The following TECTA variants were observed in gnomAD, a reference collection of about 807,000 sequenced individuals.
TECTA encodes tectorin alpha.
In TECTA, 128 loss-of-function variants were observed where a neutral mutation model predicts 216.8. That is an observed-to-expected ratio of 0.59 (90% confidence interval 0.51 to 0.68). The LOEUF is 0.68. Among genes scored for constraint, TECTA ranks in the 30% least tolerant of loss-of-function variants. The probability of loss-of-function intolerance (pLI) is 0.00; values close to 1 mark genes in which losing one functional copy is unlikely to be tolerated. For synonymous variants in TECTA, 1,089 were observed against 1,117.1 expected (o/e 0.97, Z 0.50); for missense variants, 2,551 against 2,786.2 (o/e 0.92, Z 1.90).
chr11:121,118,885 C>A (rs1946527907), intron 7 of TECTA, among the ~76,000 whole-genome samples, 167 bp downstream of exon 7: 1 of 152,124 alleles, frequency 6.6e-6, no homozygotes, highest in African/African-American at 2.4e-5. Context: ...TTTACTGGGC[C>A]AAATTTTATG....
intron 3 of TECTA, 152 bp downstream of exon 3, chr11:121,106,116 G>T: frequency 8.2e-7 from 1 of 1,217,902 alleles, no homozygotes; most frequent in Non-Finnish European, 1.2e-6. Context: ...TGAGCTGATA[G>T]GTTTTATGAA....
chr11:121,113,422 G>T lies in TECTA; in HGVS notation c.625-131G>T. On this transcript the variant is annotated intron_variant, in intron 5 of 23. Transcript: ENST00000392793. This position sits in a 1 kb window ranked among gnomAD's most constrained non-coding sequence, Gnocchi z 4.2. ...GCAGTCCTTTCTCACCTAGAATGCT[G>T]GCCCCAGTGACTCCAGGAAAAGACG... 1 of 1,448,596 alleles carries T rather than the reference G, an allele frequency of 6.9e-7. No homozygotes were observed. The highest frequency in any genetic ancestry group is 1.2e-5 in the South Asian group (1 of 86,458). 89.7% of individuals were successfully genotyped at this position (1,448,596 alleles called of 1,614,324 possible). A position where few individuals can be genotyped will look rare whatever the true frequency, so the allele number is the denominator to read the frequency against.
In TECTA at chr11:121,146,129, C is replaced by T. The variant is rs7130952; in HGVS notation, c.4105+13C>T. ...TACACGTCCTGCAGTGAGTCCTTCT[C>T]GTTGTCCCTCCTTGTAGCTTCTCCT... On this transcript the variant is annotated intron_variant, in intron 12 of 23. Transcript: ENST00000392793. The T allele has an allele frequency of 0.21, 331,160 of 1,602,936 alleles. 38,125 individuals carry two copies. The highest frequency in any genetic ancestry group is 0.43 in the African/African-American group (32,340 of 74,974).
At chr11:121,123,364 C>G (rs1302414542) in intron 7 of TECTA, among the ~76,000 whole-genome samples, 1 of 152,218 alleles carries the variant, frequency 6.6e-6, no homozygotes, top group Non-Finnish European at 1.5e-5. Context: ...CCTCATTTCT[C>G]ATGCCCCATT....
Position 121,118,445 on chromosome 11 carries a change from A to AT in TECTA, c.932dup (p.Phe312LeufsTer23). On this transcript the variant is annotated frameshift_variant, in exon 7 of 24. Transcript: ENST00000392793. LOFTEE classifies it high-confidence loss of function. ...ACGAGGTGTGCGAACCCAAAGGCAA[A>AT]TTCTTCTACTGCAGCGCTGTGGAGA... 6.2e-7 allele frequency: 1 copy of AT among 1,614,134 alleles called. No individual in the cohort carries two copies.
At chr11:121,134,325 C>CCACACACACACACACACACA (rs6144537) in intron 10 of TECTA, among the ~76,000 whole-genome samples, 9,358 of 146,834 alleles carry the variant, frequency 0.064, 347 homozygotes, top group Middle Eastern at 0.083. Flanking sequence ...AAAACCAACA[C>CCACACACACACACACACACA]CACACACACA....
intron 11 of TECTA, among the ~76,000 whole-genome samples, chr11:121,144,393 T>A (rs548250905): frequency 2.0e-5 from 3 of 152,124 alleles, no homozygotes; most frequent in South Asian, 4.2e-4. Context: ...TGAAAGGTGA[T>A]AAGAGTCTGA....
intron 20 of TECTA, among the ~76,000 whole-genome samples, chr11:121,185,527 GCTT>G (rs1947276599): frequency 9.8e-6 from 1 of 101,948 alleles, no homozygotes; most frequent in African/African-American, 4.9e-5. Context: ...GATGTTCAAT[GCTT>G]AATGAACGAG....
Position 121,118,083 on chromosome 11 carries a change from C to T in TECTA, c.791-223C>T, listed in dbSNP as rs642548. The stretch of plus-strand genomic sequence containing the variant: ...AGACGGGATTCAGACAGACTCCTCT[C>T]GGAATCCTGGCTTTACCACGGAGCT... On this transcript the variant is annotated intron_variant, in intron 6 of 23. Coordinates refer to ENST00000392793, the MANE Select transcript of TECTA (RefSeq NM_005422.4). 0.81 allele frequency among the ~76,000 whole-genome samples: 123,929 copies of T among 152,210 alleles called. 50,861 individuals are homozygous for T. The highest frequency in any genetic ancestry group is 0.9 in the African/African-American group (37,393 of 41,546).
At chr11:121,155,118 C>T (rs1318494694) in intron 13 of TECTA, among the ~76,000 whole-genome samples, 2 of 152,272 alleles carry the variant, frequency 1.3e-5, no homozygotes, top group African/African-American at 2.4e-5. Context: ...GTTCATAGAA[C>T]AAATTTCTTC....
intron 12 of TECTA, among the ~76,000 whole-genome samples, chr11:121,147,389 T>C (rs1946848144): frequency 6.6e-6 from 1 of 151,964 alleles, no homozygotes; most frequent in Non-Finnish European, 1.5e-5. Context: ...ACGTAGATTG[T>C]AAGGGAAGGG....
chr11:121,165,102 G>A (rs1947037709), intron 16 of TECTA, among the ~76,000 whole-genome samples, 171 bp from the exon 17 acceptor site: 1 of 152,242 alleles, frequency 6.6e-6, no homozygotes, highest in Non-Finnish European at 1.5e-5. Flanking sequence ...AAGCACCTAT[G>A]TGCTAGCTAT....
rs766240536 is a variant in TECTA at position 121,118,624 on chromosome 11, G to A, written c.1109G>A (p.Arg370His). 18 of 1,614,102 alleles carry A rather than the reference G, an allele frequency of 1.1e-5. No individual in the cohort carries two copies. The highest frequency in any genetic ancestry group is 6.7e-5 in the East Asian group (3 of 44,878). Reference protein sequence around the residue: ...FFSVEAKNEHRRGSAVSWVKE... With the variant: ...FFSVEAKNEHHRGSAVSWVKE... ...AGTGTGGAGGCCAAGAATGAACACC[G>A]CAGAGGTTCAGCCGTCTCCTGGGTG... Residue 370 changes from arginine to histidine, a missense_variant, in exon 7 of 24, where the codon CGC (arginine) becomes CAC (histidine). This residue lies in a region of TECTA where 2,375 missense variants were observed against 2,563.9 expected (regional missense o/e 0.93). Transcript: ENST00000392793.
In TECTA at chr11:121,105,719, A is replaced by G. The variant is rs504626; in HGVS notation, c.65-112A>G. Reference sequence around the variant, plus strand: ...TGAATGACAGGGCAGTATGACTTGCATTCAGCTTGCAAGCCCTACTGAAAG... The same window carrying G: ...TGAATGACAGGGCAGTATGACTTGCGTTCAGCTTGCAAGCCCTACTGAAAG... On this transcript the variant is annotated intron_variant, in intron 2 of 23. Coordinates refer to ENST00000392793, the MANE Select transcript of TECTA (RefSeq NM_005422.4). The surrounding 1 kb of genome is among the most constrained non-coding windows in gnomAD (Gnocchi z 5.3). 701,594 of 1,400,674 alleles carry G rather than the reference A, an allele frequency of 0.5. 177,712 individuals carry two copies. The highest frequency in any genetic ancestry group is 0.52 in the Non-Finnish European group (525,198 of 1,012,424). 86.8% of individuals were successfully genotyped at this position (1,400,674 alleles called of 1,614,324 possible). A position where few individuals can be genotyped will look rare whatever the true frequency, so the allele number is the denominator to read the frequency against.
chr11:121,173,986 CTGTT>C (rs1379558808), intron 20 of TECTA, among the ~76,000 whole-genome samples: 1 of 152,030 alleles, frequency 6.6e-6, no homozygotes, highest in South Asian at 2.1e-4. Context: ...ATTTGGCTCT[CTGTT>C]TGTCTGTTAT....
intron 18 of TECTA, among the ~76,000 whole-genome samples, chr11:121,167,124 G>A (rs927623594): frequency 2.6e-5 from 4 of 152,100 alleles, no homozygotes; most frequent in Non-Finnish European, 5.9e-5. Context: ...AGGGAGTCCC[G>A]AACCTCATTT....
intron 19 of TECTA, 163 bp from the exon 20 acceptor site, chr11:121,168,514 A>G (rs751171018): frequency 9.9e-7 from 1 of 1,015,108 alleles, no homozygotes; most frequent in Admixed American, 2.4e-5. Context: ...ATTTAAATGT[A>G]AATTGCCCCA....
At chr11:121,143,869 C>T (rs946148968) in intron 11 of TECTA, among the ~76,000 whole-genome samples, 2 of 152,234 alleles carry the variant, frequency 1.3e-5, no homozygotes, top group African/African-American at 4.8e-5. Flanking sequence ...TGCAGACCAG[C>T]TTTAGCCTGG....
chr11:121,116,513 A>G (rs1946503407), intron 6 of TECTA, among the ~76,000 whole-genome samples: 1 of 152,212 alleles, frequency 6.6e-6, no homozygotes, highest in Non-Finnish European at 1.5e-5. Context: ...CTGTGTACAC[A>G]GTCTCCACTT....
Sources: allele counts gnomAD v4.1 joint callset (sites outside exome capture counted in the v4.1 genomes callset), GRCh38; gene constraint gnomAD v4.1.1; regional missense constraint gnomAD v4.1.1; non-coding constraint Gnocchi (gnomAD v3.1); transcripts MANE v1.5; gene names NCBI Gene and HGNC (gene_info 2026-07-23, HGNC 2026-07-21).